The following NOD1 variants were observed in gnomAD, a reference collection of about 807,000 sequenced individuals.
The protein encoded by NOD1 is nucleotide-binding oligomerization domain-containing protein 1.
Under a neutral mutation model 81.2 loss-of-function variants are expected in NOD1, and 70 were observed. The ratio of observed to expected loss-of-function variants is 0.86; its 90% CI spans 0.71 to 1.05. The LOEUF (loss-of-function observed/expected upper bound fraction) is 1.05, where lower values mean the gene tolerates loss of function less well. Ranked by LOEUF, NOD1 falls within the 50% of genes least tolerant of loss-of-function variation. The pLI is 0.00. For synonymous variants in NOD1, 508 were observed against 526.9 expected, an observed-to-expected ratio of 0.96 and a Z score of 0.49; for missense variants, 1,233 against 1,228.0, an observed-to-expected ratio of 1.00 and a Z score of -0.06.
chr7:30,458,942 G>A (rs1441462843), intron 3 of NOD1, among the ~76,000 whole-genome samples: 1 of 151,940 alleles, frequency 6.6e-6, no homozygotes, highest in African/African-American at 2.4e-5. Context: ...TCACCACGTT[G>A]GCCAAGCTGG....
intron 11 of NOD1, among the ~76,000 whole-genome samples, chr7:30,434,260 A>G (rs1784193214): frequency 6.6e-6 from 1 of 152,216 alleles, no homozygotes; most frequent in Non-Finnish European, 1.5e-5. Context: ...ACACAGGGAA[A>G]AAGTGTAGAA....
At chr7:30,445,278 TAAA>T (rs55875433) in intron 9 of NOD1, among the ~76,000 whole-genome samples, 16,721 of 68,820 alleles carry the variant, frequency 0.24, 599 homozygotes, top group Admixed American at 0.31. Flanking sequence ...AAAAAGAATC[TAAA>T]AAAAAAAAAA....
chr7:30,446,933 A>C (rs1425246428), intron 8 of NOD1, 34 bp downstream of exon 8: 3 of 1,541,362 alleles, frequency 1.9e-6, no homozygotes, highest in African/African-American at 1.4e-5. Flanking sequence ...GATCAAGAGA[A>C]TATACTAAGG....
Position 30,448,377 on chromosome 7 carries a change from T to C in NOD1, c.2206A>G (p.Ser736Gly), listed in dbSNP as rs1785334949. ...CCACCGTCAGTGATCTGGTTTACGC[T>C]GAGTCTGAAATAAAACAGCAAAAAA... ...CFSRLTVLRLSVNQITDGGVK... is the reference protein window; with the variant it reads ...CFSRLTVLRLGVNQITDGGVK... Residue 736 changes from serine to glycine, a missense_variant, in exon 7 of 14, where the codon AGC becomes GGC. Coordinates refer to ENST00000222823, the MANE Select transcript of NOD1 (RefSeq NM_006092.4). 1.2e-6 allele frequency: 2 copies of C among 1,613,852 alleles called. No homozygotes were observed. Among genetic ancestry groups the C allele is most frequent in the Non-Finnish European group, 8.5e-7 (1 of 1,179,716 alleles).
Position 30,452,425 on chromosome 7 carries a change from GTGAGCAGCTTGCTAGCCCCCT to G in NOD1, c.971_991del (p.Lys324_Leu330del), listed in dbSNP as rs1785847423. 6.2e-7 allele frequency: 1 copy of G among 1,613,392 alleles called. No individual in the cohort carries two copies. The highest frequency in any genetic ancestry group is 2.2e-5 in the East Asian group (1 of 44,880). On this transcript the variant is annotated inframe_deletion, in exon 6 of 14. Transcript: ENST00000222823. ...CGGGACCTCGATGCCTGTGCGGGCTGTGAGCAGCTTGCTAGCCCCCTTGAGCAGCTTCCCACTGAGCAGGTT... is the reference window on the plus strand; with the variant it reads ...CGGGACCTCGATGCCTGTGCGGGCTGTGAGCAGCTTCCCACTGAGCAGGTT...
Position 30,447,399 on chromosome 7 carries a change from G to T in NOD1, c.2286-349C>A, listed in dbSNP as rs924417255. ...GAGTGCTCGGTGACTGGCAGGTGAT[G>T]GGTATTTACAACTAAGATTACATTC... On this transcript the variant is annotated intron_variant, in intron 7 of 13. Coordinates refer to ENST00000222823, the MANE Select transcript of NOD1 (RefSeq NM_006092.4). 1.7e-4 allele frequency: 52 copies of T among 300,450 alleles called. No homozygotes were observed. In the South Asian group the frequency reaches 1.8e-3, roughly 10 times the overall value. The allele number at this position is 300,450 out of a possible 1,614,324, so 18.6% of individuals were successfully genotyped here.
chr7:30,445,427 C>T (rs1291206062), intron 9 of NOD1, among the ~76,000 whole-genome samples: 1 of 151,912 alleles, frequency 6.6e-6, no homozygotes, highest in Non-Finnish European at 1.5e-5. Flanking sequence ...CAAAATGTGG[C>T]ATAGCCATGC....
chr7:30,433,533 G>A (rs1276407188), intron 11 of NOD1: 2 of 288,596 alleles, frequency 6.9e-6, no homozygotes, highest in African/African-American at 4.3e-5. Context: ...TAGTCCCAGG[G>A]TCCCTTGAAC....
intron 11 of NOD1, chr7:30,433,483 C>T (rs1454657345): frequency 1.7e-5 from 7 of 419,350 alleles, no homozygotes; most frequent in East Asian, 8.1e-5. Flanking sequence ...TGGGGGCCCA[C>T]GGAAAACAAA....
In NOD1 at chr7:30,433,164, T is replaced by C; in HGVS notation, c.2637A>G (p.Glu879=). Residue 879 remains glutamate (E), a synonymous_variant, in exon 12 of 14, where the codon GAA becomes GAG. Transcript: ENST00000222823. ...AACTCTCTGCCACTTCATCGTTGAG[T>C]TCATTTTGGGTCAGCCTAAGGAAAA... ...SLEILWLTQN[E]LNDEVAESLA... 1.9e-6 allele frequency: 3 copies of C among 1,613,968 alleles called. No homozygotes were observed. Among genetic ancestry groups the C allele is most frequent in the Non-Finnish European group, 2.5e-6 (3 of 1,179,854 alleles).
At chr7:30,453,342 T>C (rs1785996359) in intron 5 of NOD1, among the ~76,000 whole-genome samples, 1 of 152,076 alleles carries the variant, frequency 6.6e-6, no homozygotes, top group Non-Finnish European at 1.5e-5. Flanking sequence ...CTCCGCACAG[T>C]GTCATCACTG....
intron 13 of NOD1, among the ~76,000 whole-genome samples, chr7:30,426,080 C>T (rs1783423768): frequency 6.6e-6 from 1 of 152,162 alleles, no homozygotes; most frequent in South Asian, 2.1e-4. Flanking sequence ...TCTCCTGCAT[C>T]TGAGCACTCT....
chr7:30,453,775 C>T (rs1187186904), intron 5 of NOD1, among the ~76,000 whole-genome samples: 1 of 152,236 alleles, frequency 6.6e-6, no homozygotes, highest in Non-Finnish European at 1.5e-5. Context: ...AACATCTCTA[C>T]CATCTTCCCA....
intron 12 of NOD1, among the ~76,000 whole-genome samples, chr7:30,432,448 G>A (rs141739378): frequency 1.4e-4 from 22 of 152,348 alleles, no homozygotes; most frequent in Non-Finnish European, 2.6e-4. Flanking sequence ...AATAATAAGT[G>A]TTGGTGAGGA....
chr7:30,446,992 CA>C lies in NOD1; in HGVS notation c.2343del (p.Asp781GlufsTer16). ...VGARYVTKIL[D>X]ECKGLTHLKL... is the part of the protein sequence containing the mutation. ...TTAAGATGCGTGAGGCCTTTGCATT[CA>C]TCCAGGATTTTGGTGACGTACCTGG... On this transcript the variant is annotated frameshift_variant, in exon 8 of 14. Transcript: ENST00000222823. LOFTEE classifies it high-confidence loss of function. 2 of 1,614,136 alleles carry C rather than the reference CA, an allele frequency of 1.2e-6. No homozygotes were observed. Among genetic ancestry groups the C allele is most frequent in the Non-Finnish European group, 1.7e-6 (2 of 1,179,980 alleles).
intron 7 of NOD1, 143 bp downstream of exon 7, chr7:30,448,155 C>T: frequency 1.5e-6 from 1 of 684,650 alleles, no homozygotes; most frequent in Non-Finnish European, 2.6e-6. Context: ...AAAGAGAACC[C>T]AGGACTCTCA....
At chr7:30,426,547 ATTCAGT>A (rs1583641031) in intron 13 of NOD1, among the ~76,000 whole-genome samples, 2 of 152,088 alleles carry the variant, frequency 1.3e-5, no homozygotes, top group Admixed American at 1.3e-4. Flanking sequence ...GCCTTCTCCA[ATTCAGT>A]TTCCTAGAAG....
intron 13 of NOD1, 63 bp downstream of exon 13, chr7:30,429,311 C>T: frequency 7.2e-7 from 1 of 1,382,392 alleles, no homozygotes; most frequent in Non-Finnish European, 1.0e-6. Flanking sequence ...GTGCCTTGCA[C>T]AGTCAGTGGT....
intron 13 of NOD1, chr7:30,428,611 TA>T (rs1783670052): frequency 1.3e-5 from 2 of 152,218 alleles, no homozygotes; most frequent in African/African-American, 2.4e-5. Context: ...AAACAAGTTC[TA>T]AAGCAAAGTT....
Sources: allele counts gnomAD v4.1 joint callset (sites outside exome capture counted in the v4.1 genomes callset), GRCh38; gene constraint gnomAD v4.1.1; transcripts MANE v1.5; gene names NCBI Gene and HGNC (gene_info 2026-07-23, HGNC 2026-07-21).